CDKL3: variants seen among roughly 807,000 people sequenced by gnomAD.
CDKL3 encodes cyclin-dependent kinase-like 3.
In CDKL3, 65 loss-of-function variants were observed where a neutral mutation model predicts 69.3. The observed-to-expected ratio is 0.94, with a 90% CI of 0.77 to 1.15. The LOEUF is 1.15. Among genes scored for constraint, CDKL3 ranks in the 50% most tolerant of loss-of-function variants. The pLI is 0.00. For missense variants in CDKL3, 652 were observed against 689.2 expected, an observed-to-expected ratio of 0.95 and a Z score of 0.61; for synonymous variants, 202 against 221.6, an observed-to-expected ratio of 0.91 and a Z score of 0.79.
chr5:134,367,271 T>C (rs372817113), upstream of CDKL3: 54 of 984,448 alleles, frequency 5.5e-5, no homozygotes, highest in African/African-American at 8.8e-4. Flanking sequence ...GGTGGAAGAG[T>C]GCTGTGCTTG....
chr5:134,314,819 T>C (rs890858793), intron 6 of CDKL3, among the ~76,000 whole-genome samples: 1 of 152,108 alleles, frequency 6.6e-6, no homozygotes, highest in African/African-American at 2.4e-5. Flanking sequence ...AAAAGATGAA[T>C]TGTAAAAGGA....
chr5:134,323,497 T>C (rs978692925), intron 4 of CDKL3, among the ~76,000 whole-genome samples: 6 of 152,152 alleles, frequency 3.9e-5, no homozygotes, highest in Non-Finnish European at 4.4e-5. Context: ...CAAGATAGTA[T>C]GGTATTGGTG....
At chr5:134,332,837 A>C (rs150440471) in intron 4 of CDKL3, among the ~76,000 whole-genome samples, 118 of 152,358 alleles carry the variant, frequency 7.7e-4, no homozygotes, top group Non-Finnish European at 3.2e-4. Flanking sequence ...GAAGAAAGCC[A>C]GTGGTAGCTT....
chr5:134,304,098 AT>A (rs200548599), intron 11 of CDKL3, among the ~76,000 whole-genome samples: 1,653 of 151,744 alleles, frequency 0.011, 38 homozygotes, highest in African/African-American at 0.038. Context: ...ACACCAAGCT[AT>A]TTTATTTTTT....
At chr5:134,359,442 G>GC (rs931443606) in intron 3 of CDKL3, among the ~76,000 whole-genome samples, 1 of 151,952 alleles carries the variant, frequency 6.6e-6, no homozygotes, top group African/African-American at 2.4e-5. Flanking sequence ...GCCTCAAACC[G>GC]CTCCGCCACT....
In CDKL3 at chr5:134,337,370, A is replaced by G. The variant is rs1777385010; in HGVS notation, c.539+12879T>C. ...CTCTGTGGGCCGTACCCACTGTCCA[A>G]CCAGTCCCAGTGAGATGAACCAGGT... On this transcript the variant is annotated intron_variant, in intron 4 of 12. Coordinates refer to ENST00000265334, the MANE Select transcript of CDKL3 (RefSeq NM_001113575.2). Among the ~76,000 whole-genome samples, 4 of 152,268 alleles carry G rather than the reference A, an allele frequency of 2.6e-5. No homozygotes were observed. The South Asian group carries it at 6.2e-4, about 24-fold the overall frequency.
chr5:134,304,551 C>A lies in CDKL3; in HGVS notation c.1475G>T (p.Gly492Val), dbSNP rs1471386285. 10 of 1,605,704 alleles carry A rather than the reference C, an allele frequency of 6.2e-6. No individual in the cohort carries two copies. In the African/African-American group the frequency reaches 1.1e-4, roughly 17 times the overall value. The change falls in exon 11 of 13, where the codon GGT (glycine) becomes GTT (valine). Residue 492 changes from glycine (G) to valine (V), a missense_variant. Physicochemically the swap from Gly to Val is moderately radical, Grantham distance 109. Transcript: ENST00000265334. ...GTGACCTGTTCGCTCATTAAATATA[C>A]CCTTCTCCATTTGGCTCTAAACAAA... ...PGPIQSQMEK[G>V]IFNERTGHSD...
At chr5:134,303,668 A>C (rs1410908323) in intron 11 of CDKL3, among the ~76,000 whole-genome samples, 6 of 139,290 alleles carry the variant, frequency 4.3e-5, no homozygotes, top group African/African-American at 7.8e-5. Flanking sequence ...AAATGGTGGA[A>C]CCCCCCCCCC....
intron 4 of CDKL3, among the ~76,000 whole-genome samples, chr5:134,326,352 C>T (rs1051347355): frequency 1.3e-5 from 2 of 152,038 alleles, no homozygotes; most frequent in Non-Finnish European, 2.9e-5. Flanking sequence ...TTCTGAAATA[C>T]GAGCAAGTCC....
At chr5:134,354,086 C>T (rs78753253) in intron 3 of CDKL3, among the ~76,000 whole-genome samples, 1,616 of 152,280 alleles carry the variant, frequency 0.011, 25 homozygotes, top group African/African-American at 0.035. Flanking sequence ...TTCCTCAGGA[C>T]TCAGCTTATA....
At chr5:134,326,818 T>TAC (rs1774369133) in intron 4 of CDKL3, among the ~76,000 whole-genome samples, 3 of 106,104 alleles carry the variant, frequency 2.8e-5, no homozygotes, top group Admixed American at 1.9e-4. Flanking sequence ...TATGTGTGTG[T>TAC]ATATATATAT....
chr5:134,322,789 G>A (rs747814032), intron 4 of CDKL3, among the ~76,000 whole-genome samples: 3 of 152,128 alleles, frequency 2.0e-5, no homozygotes, highest in Non-Finnish European at 4.4e-5. Context: ...AGACAAGCCT[G>A]ACCAACATGG....
At chr5:134,303,036 CAT>C (rs1766731429) in intron 11 of CDKL3, among the ~76,000 whole-genome samples, 1 of 151,902 alleles carries the variant, frequency 6.6e-6, no homozygotes, top group Admixed American at 6.6e-5. Context: ...TTCAAAGAAA[CAT>C]AACATTTATT....
chr5:134,327,940 G>A (rs1774810206), intron 4 of CDKL3, among the ~76,000 whole-genome samples: 3 of 152,156 alleles, frequency 2.0e-5, no homozygotes, highest in Non-Finnish European at 4.4e-5. Context: ...TTAATACTGT[G>A]TGTGTGGGTT....
intron 8 of CDKL3, among the ~76,000 whole-genome samples, chr5:134,293,037 T>TTG (rs1765193328): frequency 8.7e-6 from 1 of 115,200 alleles, no homozygotes; most frequent in Non-Finnish European, 1.7e-5. Flanking sequence ...TTTTTTTTTT[T>TTG]GAGACGGAGT....
At chr5:134,349,494 C>G (rs1011253117) in intron 4 of CDKL3, among the ~76,000 whole-genome samples, 2 of 152,092 alleles carry the variant, frequency 1.3e-5, no homozygotes, top group Non-Finnish European at 1.5e-5. Flanking sequence ...AAATTATTTG[C>G]CAGTCTTCAC....
chr5:134,303,289 G>A (rs568348843), intron 11 of CDKL3, among the ~76,000 whole-genome samples: 87 of 152,116 alleles, frequency 5.7e-4, no homozygotes, highest in African/African-American at 2.0e-3. Flanking sequence ...ATTGGCCAGG[G>A]TGGTCTCAAA....
chr5:134,308,791 G>C, intron 7 of CDKL3, 64 bp from the exon 8 acceptor site: 1 of 1,316,004 alleles, frequency 7.6e-7, no homozygotes, highest in Non-Finnish European at 1.0e-6. Context: ...ATTTTATCTT[G>C]AATAAACCAT....
chr5:134,339,930 T>C (rs1581107098), intron 4 of CDKL3, among the ~76,000 whole-genome samples: 1 of 151,844 alleles, frequency 6.6e-6, no homozygotes, highest in Non-Finnish European at 1.5e-5. Flanking sequence ...GGTAGGAGGG[T>C]CACTTGAGTA....
Sources: gnomAD v4.1 joint callset for allele counts (sites outside exome capture counted in the v4.1 genomes callset) on GRCh38, gnomAD v4.1.1 for gene constraint, MANE v1.5 for transcripts, NCBI Gene and HGNC (gene_info 2026-07-23, HGNC 2026-07-21) for gene names.